The following PKHD1L1 variants were observed in gnomAD, a reference collection of about 807,000 sequenced individuals.
The protein encoded by PKHD1L1 is fibrocystin-L.
Under a neutral mutation model 462.9 loss-of-function variants are expected in PKHD1L1, and 434 were observed. The ratio of observed to expected loss-of-function variants is 0.94; its 90% CI spans 0.87 to 1.02. The LOEUF (loss-of-function observed/expected upper bound fraction) is 1.02, where lower values mean the gene tolerates loss of function less well. Among genes scored for constraint, PKHD1L1 ranks in the 50% least tolerant of loss-of-function variants. The pLI, the probability that PKHD1L1 is intolerant of heterozygous loss-of-function variation, is 0.00. For synonymous variants in PKHD1L1, 1,781 were observed against 1,750.0 expected, an observed-to-expected ratio of 1.02 and a Z score of -0.44; for missense variants, 5,202 against 5,096.1, an observed-to-expected ratio of 1.02 and a Z score of -0.63.
In PKHD1L1 at chr8:109,527,200, A is replaced by G. The variant is rs180710063; in HGVS notation, c.12721+180A>G. Among the ~76,000 whole-genome samples, 42 of 152,318 alleles carry G rather than the reference A, an allele frequency of 2.8e-4. No homozygotes were observed. The highest frequency in any genetic ancestry group is 1.4e-3 in the Admixed American group (21 of 15,294). On this transcript the variant is annotated intron_variant, in intron 77 of 77. Transcript: ENST00000378402. ...AATGTTATTCACTACATGTTGGTCT[A>G]TAAGAATGTGGTGAAACAAGGCTGG...
intron 72 of PKHD1L1, among the ~76,000 whole-genome samples, 198 bp downstream of exon 72, chr8:109,515,503 T>C (rs949560054): frequency 1.3e-5 from 2 of 152,166 alleles, no homozygotes; most frequent in Admixed American, 6.6e-5. Flanking sequence ...TAATGGAACT[T>C]ATTTATCTGT....
At chr8:109,463,429 C>CTAAG (rs3058253) in intron 48 of PKHD1L1, among the ~76,000 whole-genome samples, 76,050 of 151,674 alleles carry the variant, frequency 0.5, 19,317 homozygotes, top group South Asian at 0.68. Flanking sequence ...CAAATATGGA[C>CTAAG]TGAGATTGCT....
At chr8:109,513,289 A>G (rs1434877329) in intron 71 of PKHD1L1, among the ~76,000 whole-genome samples, 1 of 152,128 alleles carries the variant, frequency 6.6e-6, no homozygotes, top group East Asian at 1.9e-4. Flanking sequence ...TTCAAAGGGA[A>G]TGCTTCCAGT....
chr8:109,382,705 T>G, intron 4 of PKHD1L1, 134 bp downstream of exon 4: 1 of 531,410 alleles, frequency 1.9e-6, no homozygotes, highest in Non-Finnish European at 3.1e-6. Flanking sequence ...AAAGGATAAT[T>G]TCCCTCAATT....
intron 25 of PKHD1L1, among the ~76,000 whole-genome samples, chr8:109,429,087 T>A (rs921814185): frequency 6.6e-6 from 1 of 152,148 alleles, no homozygotes; most frequent in African/African-American, 2.4e-5. Flanking sequence ...TCAAGTTAAT[T>A]TTTGTTTTAA....
chr8:109,369,060 ACCTCCG>A (rs1164774087), intron 2 of PKHD1L1, among the ~76,000 whole-genome samples: 1 of 151,492 alleles, frequency 6.6e-6, no homozygotes, highest in Admixed American at 6.6e-5. Context: ...ACTCACTGCA[ACCTCCG>A]CCTCCTGGGT....
At chr8:109,496,366 A>C (rs1002087929) in intron 63 of PKHD1L1, among the ~76,000 whole-genome samples, 6 of 152,240 alleles carry the variant, frequency 3.9e-5, no homozygotes, top group African/African-American at 1.4e-4. Context: ...ATTTGACTTG[A>C]AAATGGGATG....
In PKHD1L1 at chr8:109,443,964, G is replaced by A. The variant is rs531149291; in HGVS notation, c.4791+62G>A. The A allele has an allele frequency of 9.4e-5, 129 of 1,366,848 alleles. No homozygotes were observed. The Middle Eastern group carries it at 3.2e-3, about 33-fold the overall frequency. The allele number at this position is 1,366,848 out of a possible 1,614,324, so 84.7% of individuals were successfully genotyped here. On this transcript the variant is annotated intron_variant, in intron 37 of 77. Transcript: ENST00000378402. The stretch of plus-strand genomic sequence containing the variant: ...ATGTTCCCAATAAAAGTATTTTGAC[G>A]ATAACCTTGTTATTTAATTTTTACC...
At position 109,476,500 on chromosome 8, in the gene PKHD1L1, T is replaced by C. The variant is rs1310442899; in HGVS notation, c.8758-8T>C. 7.0e-7 allele frequency: 1 copy of C among 1,421,146 alleles called. No individual in the cohort carries two copies. Among genetic ancestry groups the C allele is most frequent in the Non-Finnish European group, 9.5e-7 (1 of 1,051,798 alleles). The allele number at this position is 1,421,146 out of a possible 1,614,324, so 88.0% of individuals were successfully genotyped here. On this transcript the variant is annotated splice_polypyrimidine_tract_variant and splice_region_variant and intron_variant, in intron 51 of 77. Transcript: ENST00000378402. ...ATACAAGTCACATTTTTCTATAAACTTTTATAGGAAGAAGACTATGTAATT... is the reference window on the plus strand; with the variant it reads ...ATACAAGTCACATTTTTCTATAAACCTTTATAGGAAGAAGACTATGTAATT...
intron 7 of PKHD1L1, among the ~76,000 whole-genome samples, 155 bp downstream of exon 7, chr8:109,388,705 C>T (rs1304337816): frequency 6.6e-6 from 1 of 152,068 alleles, no homozygotes; most frequent in Non-Finnish European, 1.5e-5. Context: ...ATCATTTTTA[C>T]AGTTAGGTGC....
rs138309726 is a variant in PKHD1L1 at position 109,431,395 on chromosome 8, T to C, written c.3229+1358T>C. On this transcript the variant is annotated intron_variant, in intron 27 of 77. Coordinates refer to ENST00000378402, the MANE Select transcript of PKHD1L1 (RefSeq NM_177531.6). ...TCCAATCATTAATTTAAGAAAGAAA[T>C]ATTATAGGAACAGCTAAATTTCTCT... Among the ~76,000 whole-genome samples the C allele has an allele frequency of 8.1e-4, 123 of 152,268 alleles. No individual in the cohort carries two copies. The East Asian group carries it at 0.019, about 24-fold the overall frequency.
intron 11 of PKHD1L1, 79 bp downstream of exon 11, chr8:109,396,216 T>C (rs1812967978): frequency 1.9e-6 from 2 of 1,026,918 alleles, no homozygotes; most frequent in Non-Finnish European, 2.9e-6. Context: ...ATAATAATAA[T>C]AGTCTTTTCT....
At chr8:109,467,377 T>A (rs1057104879) in intron 50 of PKHD1L1, among the ~76,000 whole-genome samples, 9 of 151,886 alleles carry the variant, frequency 5.9e-5, no homozygotes, top group Non-Finnish European at 1.2e-4. Context: ...AATCTCTACA[T>A]TCCGCCCCTG....
At chr8:109,458,308 G>T (rs772968985) in intron 46 of PKHD1L1, among the ~76,000 whole-genome samples, 18 of 152,038 alleles carry the variant, frequency 1.2e-4, no homozygotes, top group Non-Finnish European at 1.6e-4. Context: ...GTTTGATTTA[G>T]ATTCTCAGCC....
intron 30 of PKHD1L1, among the ~76,000 whole-genome samples, chr8:109,436,737 A>G (rs1815438351): frequency 6.6e-6 from 1 of 152,236 alleles, no homozygotes; most frequent in African/African-American, 2.4e-5. Context: ...AGAAGTAGTA[A>G]CAAAGTAAAC....
chr8:109,430,770 A>G (rs1815054293), intron 27 of PKHD1L1, among the ~76,000 whole-genome samples: 1 of 152,140 alleles, frequency 6.6e-6, no homozygotes, highest in Non-Finnish European at 1.5e-5. Context: ...AAATTATTAA[A>G]ATTTTAAAAG....
At chr8:109,376,631 C>T (rs1251088391) in intron 2 of PKHD1L1, among the ~76,000 whole-genome samples, 5 of 152,138 alleles carry the variant, frequency 3.3e-5, no homozygotes, top group Admixed American at 2.6e-4. Flanking sequence ...CCTATTAGGC[C>T]GTCTTGACTC....
intron 3 of PKHD1L1, 91 bp downstream of exon 3, chr8:109,381,605 G>T: frequency 3.1e-6 from 3 of 955,440 alleles, no homozygotes; most frequent in African/African-American, 3.4e-5. Context: ...TTATTACCCT[G>T]GCTATTATAA....
intron 15 of PKHD1L1, 113 bp downstream of exon 15, chr8:109,404,826 A>G: frequency 8.3e-7 from 1 of 1,208,940 alleles, no homozygotes; most frequent in East Asian, 2.7e-5. Flanking sequence ...GCAGTCATGG[A>G]CAATTATTAA....
Sources: allele counts gnomAD v4.1 joint callset (sites outside exome capture counted in the v4.1 genomes callset), GRCh38; gene constraint gnomAD v4.1.1; transcripts MANE v1.5; gene names NCBI Gene and HGNC (gene_info 2026-07-23, HGNC 2026-07-21).